The following PODXL variants were observed in gnomAD, a reference collection of about 807,000 sequenced individuals.
PODXL encodes podocalyxin.
In PODXL, 20 loss-of-function variants were observed where a neutral mutation model predicts 48.9. The observed-to-expected ratio is 0.41, with a 90% CI of 0.29 to 0.59. The LOEUF is 0.59. Ranked by LOEUF, PODXL falls within the 20% of genes least tolerant of loss-of-function variation. PODXL has a pLI of 0.31. For synonymous variants in PODXL, 295 were observed against 287.4 expected (o/e 1.03, Z -0.27); for missense variants, 606 against 675.1 (o/e 0.90, Z 1.13).
At chr7:131,538,989 C>A (rs1798428874) in intron 1 of PODXL, among the ~76,000 whole-genome samples, 1 of 152,186 alleles carries the variant, frequency 6.6e-6, no homozygotes, top group South Asian at 2.1e-4. Context: ...GGGCCTTGTG[C>A]CCAGGGACAG....
intron 1 of PODXL, among the ~76,000 whole-genome samples, chr7:131,555,070 C>A (rs1386722998): frequency 1.3e-5 from 2 of 152,204 alleles, no homozygotes; most frequent in Admixed American, 1.3e-4. Flanking sequence ...TCCCTGAGTG[C>A]CAGCGCCTGC....
intron 5 of PODXL, among the ~76,000 whole-genome samples, chr7:131,508,683 A>T (rs972304972): frequency 8.7e-6 from 1 of 115,176 alleles, no homozygotes. Flanking sequence ...GGAAATAGTC[A>T]CACAGTGAAA....
chr7:131,528,073 AT>A (rs999450338), intron 1 of PODXL, among the ~76,000 whole-genome samples: 1 of 150,938 alleles, frequency 6.6e-6, no homozygotes, highest in Non-Finnish European at 1.5e-5. Context: ...TAATTTTTGT[AT>A]TTTTTTAGTA....
At chr7:131,556,031 C>G (rs543937661) in intron 1 of PODXL, among the ~76,000 whole-genome samples, 45 of 152,372 alleles carry the variant, frequency 3.0e-4, no homozygotes, top group African/African-American at 9.4e-4. Context: ...GCCCACTCCT[C>G]CCGAGTGGAG....
chr7:131,506,559 C>T lies in PODXL; in HGVS notation c.1249+20G>A, dbSNP rs1414912690. 1 of 1,612,418 alleles carries T rather than the reference C, an allele frequency of 6.2e-7. No homozygotes were observed. The highest frequency in any genetic ancestry group is 2.2e-5 in the East Asian group (1 of 44,852). On this transcript the variant is annotated intron_variant, in intron 6 of 8. Coordinates refer to ENST00000378555, the MANE Select transcript of PODXL (RefSeq NM_001018111.3). The stretch of plus-strand genomic sequence containing the variant: ...CCACCCATGCAGGCCCCAGCCCAGG[C>T]CCCCTTGCCCTCCACTCACTGTGAA...
chr7:131,505,805 G>T, intron 8 of PODXL, 63 bp downstream of exon 8: 1 of 1,447,604 alleles, frequency 6.9e-7, no homozygotes, highest in South Asian at 1.3e-5. Context: ...CGGGAATCAC[G>T]AGGGGAGGGT....
chr7:131,519,521 C>G (rs1230462322), intron 1 of PODXL, among the ~76,000 whole-genome samples: 1 of 151,450 alleles, frequency 6.6e-6, no homozygotes, highest in African/African-American at 2.4e-5. Flanking sequence ...AATACAATAG[C>G]ACATATCAAA....
intron 1 of PODXL, among the ~76,000 whole-genome samples, chr7:131,544,220 C>T (rs994454107): frequency 5.3e-5 from 8 of 152,180 alleles, no homozygotes; most frequent in South Asian, 2.1e-4. Context: ...GTACATGTGG[C>T]GCACCCACAC....
chr7:131,506,970 C>A, intron 5 of PODXL: 1 of 546,174 alleles, frequency 1.8e-6, no homozygotes, highest in East Asian at 3.1e-5. Context: ...CTGTGTTTAT[C>A]TGGTCTACGC....
At chr7:131,540,897 G>C (rs112712083) in intron 1 of PODXL, among the ~76,000 whole-genome samples, 7,544 of 152,292 alleles carry the variant, frequency 0.05, 253 homozygotes, top group Middle Eastern at 0.099. Flanking sequence ...GGAAGAGAGG[G>C]AGAAAGTTCT....
At chr7:131,509,315 T>C in intron 4 of PODXL, 50 bp downstream of exon 4, 1 of 1,434,642 alleles carries the variant, frequency 7.0e-7, no homozygotes, top group Non-Finnish European at 9.8e-7. Context: ...TTAAAGCCTC[T>C]TCTACCCGAG....
At chr7:131,507,484 G>T (rs1320531241) in intron 5 of PODXL, among the ~76,000 whole-genome samples, 2 of 152,142 alleles carry the variant, frequency 1.3e-5, no homozygotes, top group African/African-American at 2.4e-5. Flanking sequence ...CCCTCCCTGG[G>T]GCTTCTCTGA....
intron 1 of PODXL, among the ~76,000 whole-genome samples, chr7:131,555,652 T>G (rs1798730380): frequency 6.6e-6 from 1 of 152,128 alleles, no homozygotes; most frequent in Admixed American, 6.5e-5. Context: ...CTCAGCCAGG[T>G]GACTCTGGGA....
chr7:131,531,656 C>T lies in PODXL; in HGVS notation c.101-20223G>A, dbSNP rs115598671. ...ACACTCCCTGGCTGAAGCAGTATCC[C>T]GCCAACCTCTGCCCTCATGGTCACA... is the stretch of plus-strand genomic sequence containing the variant. On this transcript the variant is annotated intron_variant, in intron 1 of 8. Coordinates refer to ENST00000378555, the MANE Select transcript of PODXL (RefSeq NM_001018111.3). 1.7e-3 allele frequency among the ~76,000 whole-genome samples: 254 copies of T among 152,292 alleles called. 1 individual carries two copies. The highest frequency in any genetic ancestry group is 0.014 in the Middle Eastern group (4 of 294).
chr7:131,551,426 G>A (rs1283540479), intron 1 of PODXL, among the ~76,000 whole-genome samples: 4 of 152,194 alleles, frequency 2.6e-5, no homozygotes, highest in Admixed American at 2.6e-4. Context: ...TCAGGCTGGT[G>A]GGTAGGGATG....
At chr7:131,526,495 A>T (rs1242537725) in intron 1 of PODXL, among the ~76,000 whole-genome samples, 1 of 130,650 alleles carries the variant, frequency 7.7e-6, no homozygotes, top group Non-Finnish European at 1.7e-5. Context: ...AAAATTAAAC[A>T]TGCATTTTAC....
chr7:131,512,217 T>C (rs1797925594), intron 1 of PODXL, among the ~76,000 whole-genome samples: 2 of 151,972 alleles, frequency 1.3e-5, no homozygotes, highest in South Asian at 2.1e-4. Context: ...CTTGAGGAAA[T>C]AGGATCTGTG....
chr7:131,554,043 T>A (rs1798707513), intron 1 of PODXL, among the ~76,000 whole-genome samples: 1 of 152,158 alleles, frequency 6.6e-6, no homozygotes, highest in Non-Finnish European at 1.5e-5. Flanking sequence ...TGTCTGGGGA[T>A]AATTCCTTTG....
intron 1 of PODXL, among the ~76,000 whole-genome samples, chr7:131,552,270 G>A (rs1453322129): frequency 6.6e-6 from 1 of 152,244 alleles, no homozygotes; most frequent in East Asian, 1.9e-4. Context: ...CTCACCGCAT[G>A]GTGGAGGAGA....
Sources: gnomAD v4.1 joint callset for allele counts (sites outside exome capture counted in the v4.1 genomes callset) on GRCh38, gnomAD v4.1.1 for gene constraint, MANE v1.5 for transcripts, NCBI Gene and HGNC (gene_info 2026-07-23, HGNC 2026-07-21) for gene names.